Variants in CCSER1 observed in about 807,000 individuals in gnomAD.
CCSER1 encodes serine-rich coiled-coil domain-containing protein 1.
In CCSER1, 41 loss-of-function variants were observed where a neutral mutation model predicts 82.0. The ratio of observed to expected loss-of-function variants is 0.50; its 90% CI spans 0.39 to 0.65. CCSER1 has a LOEUF of 0.65. Among genes scored for constraint, CCSER1 ranks in the 30% least tolerant of loss-of-function variants. The pLI is 0.00. For missense variants in CCSER1, 1,119 were observed against 1,064.2 expected (o/e 1.05, Z -0.72); for synonymous variants, 414 against 383.9 (o/e 1.08, Z -0.92).
At chr4:91,185,543 G>A (rs902959293) in intron 10 of CCSER1, among the ~76,000 whole-genome samples, 6 of 152,190 alleles carry the variant, frequency 3.9e-5, no homozygotes, top group Admixed American at 3.9e-4. Context: ...GCTGTGGCGG[G>A]AGACAGACAT....
At chr4:90,771,253 ATTTTTCATT>A (rs1466909853) in intron 7 of CCSER1, among the ~76,000 whole-genome samples, 1 of 151,946 alleles carries the variant, frequency 6.6e-6, no homozygotes, top group Non-Finnish European at 1.5e-5. Flanking sequence ...ATGAAATATT[ATTTTTCATT>A]TCTAATGATA....
chr4:91,499,315 C>CA (rs1397158614), intron 10 of CCSER1, among the ~76,000 whole-genome samples: 10 of 151,986 alleles, frequency 6.6e-5, no homozygotes, highest in African/African-American at 2.4e-4. Context: ...TCACTTTAAG[C>CA]AACTTTATTT....
intron 6 of CCSER1, among the ~76,000 whole-genome samples, chr4:90,628,739 C>G (rs1327329464): frequency 6.6e-6 from 1 of 152,140 alleles, no homozygotes; most frequent in Non-Finnish European, 1.5e-5. Flanking sequence ...CTCCCCACAG[C>G]TTGGGCCTAG....
At chr4:90,917,087 C>G (rs191176250) in intron 8 of CCSER1, among the ~76,000 whole-genome samples, 97 of 152,278 alleles carry the variant, frequency 6.4e-4, no homozygotes, top group Admixed American at 1.2e-3. Context: ...CTAGTTCAAC[C>G]ATTGTGGAAG....
At chr4:90,481,464 T>G (rs1765947713) in intron 5 of CCSER1, among the ~76,000 whole-genome samples, 1 of 152,222 alleles carries the variant, frequency 6.6e-6, no homozygotes, top group Non-Finnish European at 1.5e-5. Context: ...TCAAAGGGAA[T>G]GCTTCCAGTT....
At chr4:90,490,442 A>G (rs956723786) in intron 5 of CCSER1, among the ~76,000 whole-genome samples, 2 of 152,012 alleles carry the variant, frequency 1.3e-5, no homozygotes, top group Admixed American at 6.6e-5. Flanking sequence ...AGATGAGTAG[A>G]TTGCAAAAAT....
At chr4:90,448,224 A>T (rs1760930540) in intron 4 of CCSER1, among the ~76,000 whole-genome samples, 1 of 151,730 alleles carries the variant, frequency 6.6e-6, no homozygotes, top group South Asian at 2.1e-4. Context: ...CTTGTCATAC[A>T]TGTTTTCTTA....
At chr4:91,112,377 C>T (rs1368534734) in intron 10 of CCSER1, among the ~76,000 whole-genome samples, 1 of 151,930 alleles carries the variant, frequency 6.6e-6, no homozygotes, top group Non-Finnish European at 1.5e-5. Context: ...TTATCTAATA[C>T]AGCTTTATCT....
At chr4:90,514,280 T>G (rs1408494875) in intron 5 of CCSER1, among the ~76,000 whole-genome samples, 1 of 152,190 alleles carries the variant, frequency 6.6e-6, no homozygotes, top group Non-Finnish European at 1.5e-5. Flanking sequence ...TTATTTTCAG[T>G]GATTAAAGAT....
chr4:91,208,332 A>T (rs1276490298), intron 10 of CCSER1, among the ~76,000 whole-genome samples: 1 of 151,702 alleles, frequency 6.6e-6, no homozygotes, highest in Non-Finnish European at 1.5e-5. Context: ...TATTTCCTAG[A>T]TTATCTTCCA....
At chr4:91,096,673 T>C (rs891034463) in intron 10 of CCSER1, among the ~76,000 whole-genome samples, 1 of 152,182 alleles carries the variant, frequency 6.6e-6, no homozygotes, top group African/African-American at 2.4e-5. Context: ...TCATAGTGAC[T>C]CCATAGTCTC....
chr4:90,602,315 T>C (rs1370173172), intron 5 of CCSER1, among the ~76,000 whole-genome samples: 3 of 152,182 alleles, frequency 2.0e-5, no homozygotes, highest in African/African-American at 7.2e-5. Flanking sequence ...TTGGCTATTA[T>C]TAATATAACC....
At chr4:90,140,358 C>T (rs1300464434) in intron 1 of CCSER1, among the ~76,000 whole-genome samples, 4 of 152,146 alleles carry the variant, frequency 2.6e-5, no homozygotes, top group African/African-American at 9.7e-5. Context: ...AAGTTTAGGA[C>T]TCCTTAGGGA....
intron 10 of CCSER1, among the ~76,000 whole-genome samples, chr4:91,406,055 T>C (rs549790670): frequency 1.8e-4 from 27 of 152,098 alleles, no homozygotes; most frequent in Non-Finnish European, 3.4e-4. Context: ...CTATGAGAGG[T>C]AGGTGAAATT....
chr4:90,933,310 C>T (rs1307360504), intron 9 of CCSER1, among the ~76,000 whole-genome samples: 2 of 151,402 alleles, frequency 1.3e-5, no homozygotes, highest in Non-Finnish European at 3.0e-5. Context: ...GCCTCAGCCT[C>T]CTGAGTAGCT....
chr4:91,115,110 T>C lies in CCSER1; in HGVS notation c.2217+29116T>C, dbSNP rs150397990. On this transcript the variant is annotated intron_variant, in intron 10 of 10. Transcript: ENST00000509176. ...TAAATATGTATAAATAATAGCATAATGTCAAAGTTGAAGGGCCAATTGAAT... is the reference window on the plus strand; with the variant it reads ...TAAATATGTATAAATAATAGCATAACGTCAAAGTTGAAGGGCCAATTGAAT... Among the ~76,000 whole-genome samples, 1,266 of 152,302 alleles carry C rather than the reference T, an allele frequency of 8.3e-3. 12 individuals are homozygous for C. Among genetic ancestry groups the C allele is most frequent in the African/African-American group, 0.029 (1,215 of 41,552 alleles).
chr4:91,235,049 T>C (rs1213467394), intron 10 of CCSER1, among the ~76,000 whole-genome samples: 4 of 152,008 alleles, frequency 2.6e-5, no homozygotes, highest in Non-Finnish European at 4.4e-5. Flanking sequence ...CTTATTAATG[T>C]GCAAAATGAA....
intron 8 of CCSER1, among the ~76,000 whole-genome samples, chr4:90,838,151 C>G (rs892599481): frequency 2.0e-5 from 3 of 151,172 alleles, no homozygotes; most frequent in Admixed American, 6.6e-5. Context: ...TTTGTATATC[C>G]CATATAAATC....
intron 7 of CCSER1, among the ~76,000 whole-genome samples, chr4:90,730,316 GTCTC>G (rs928003853): frequency 2.6e-5 from 4 of 152,094 alleles, no homozygotes; most frequent in African/African-American, 9.7e-5. Context: ...GAATGTAATG[GTCTC>G]TCTTAGTATT....
Sources: gnomAD v4.1 joint callset for allele counts (sites outside exome capture counted in the v4.1 genomes callset) on GRCh38, gnomAD v4.1.1 for gene constraint, MANE v1.5 for transcripts, NCBI Gene and HGNC (gene_info 2026-07-23, HGNC 2026-07-21) for gene names.